Variants in SPATA7 observed in about 807,000 individuals in gnomAD.
SPATA7 encodes the protein spermatogenesis-associated protein 7.
In SPATA7, 43 loss-of-function variants were observed where a neutral mutation model predicts 51.8. The ratio of observed to expected loss-of-function variants is 0.83; its 90% CI spans 0.65 to 1.07. SPATA7 has a LOEUF of 1.07. Among genes scored for constraint, SPATA7 ranks in the 50% least tolerant of loss-of-function variants. SPATA7 has a pLI of 0.00. For missense variants in SPATA7, 683 were observed against 701.3 expected, an observed-to-expected ratio of 0.97 and a Z score of 0.30; for synonymous variants, 230 against 252.8, an observed-to-expected ratio of 0.91 and a Z score of 0.86.
downstream of SPATA7, among the ~76,000 whole-genome samples, chr14:88,440,925 C>T (rs2077173956): frequency 6.6e-6 from 1 of 152,084 alleles, no homozygotes; most frequent in Non-Finnish European, 1.5e-5. Context: ...GTGCACCCAG[C>T]ACCTAAGCAG....
intron 4 of SPATA7, chr14:88,415,844 G>A (rs2076460456): frequency 1.3e-5 from 2 of 152,182 alleles, no homozygotes; most frequent in Admixed American, 6.5e-5. Context: ...GTAACCCCTA[G>A]TGTTGGAGTT....
intron 4 of SPATA7, chr14:88,468,890 G>C: frequency 6.2e-7 from 1 of 1,613,686 alleles, no homozygotes; most frequent in South Asian, 1.1e-5. Context: ...CACCCAAAAA[G>C]GCCAGGTGAT....
chr14:88,455,764 A>G (rs979253430), downstream of SPATA7, among the ~76,000 whole-genome samples: 2 of 152,106 alleles, frequency 1.3e-5, no homozygotes, highest in South Asian at 2.1e-4. Flanking sequence ...TTTAGGGTAC[A>G]TGTGCACAAT....
Position 88,385,745 on chromosome 14 carries a change from GGGGCTGGGCCC to G in SPATA7, c.-71_-61del. 3 of 1,461,934 alleles carry G rather than the reference GGGGCTGGGCCC, an allele frequency of 2.1e-6. No individual in the cohort carries two copies. Among genetic ancestry groups the G allele is most frequent in the Admixed American group, 3.8e-5 (2 of 52,640 alleles). The allele number at this position is 1,461,934 out of a possible 1,614,324, so 90.6% of individuals were successfully genotyped here. On this transcript the variant is annotated 5_prime_UTR_variant, in exon 1 of 12. Transcript: ENST00000393545. ...TCCTCTTTTCCAGTCCTCCACTGCC[GGGGCTGGGCCC>G]GGCCGCGGGAAGGACCGAAGGGGAT...
intron 5 of SPATA7, among the ~76,000 whole-genome samples, chr14:88,421,402 G>A (rs948211867): frequency 6.6e-6 from 1 of 152,130 alleles, no homozygotes; most frequent in African/African-American, 2.4e-5. Flanking sequence ...CTGGGCAAAA[G>A]CCAGATTGAC....
intron 5 of SPATA7, among the ~76,000 whole-genome samples, chr14:88,424,020 A>G (rs2076721515): frequency 6.6e-6 from 1 of 152,248 alleles, no homozygotes; most frequent in Non-Finnish European, 1.5e-5. Flanking sequence ...ATTACTTTAC[A>G]TAAATCTTGA....
At chr14:88,411,196 C>T (rs2076332484) in intron 4 of SPATA7, among the ~76,000 whole-genome samples, 1 of 152,154 alleles carries the variant, frequency 6.6e-6, no homozygotes, top group Non-Finnish European at 1.5e-5. Context: ...CTACTCAAGC[C>T]TCAATAAGGT....
intron 4 of SPATA7, among the ~76,000 whole-genome samples, chr14:88,405,035 G>A (rs2076167567): frequency 6.6e-6 from 1 of 152,212 alleles, no homozygotes; most frequent in South Asian, 2.1e-4. Flanking sequence ...CCTTGGAGGA[G>A]AAGCCCTTGC....
At chr14:88,427,907 T>C in intron 7 of SPATA7, 1 of 484,088 alleles carries the variant, frequency 2.1e-6, no homozygotes, top group Non-Finnish European at 3.8e-6. Flanking sequence ...ATCTGGGAAG[T>C]CATTTGTTAC....
chr14:88,470,043 A>T, exon 5 of SPATA7: 1 of 1,612,940 alleles, frequency 6.2e-7, no homozygotes, highest in South Asian at 1.1e-5. Flanking sequence ...GATTCCACTG[A>T]CAGAGACCTG....
At chr14:88,456,129 T>C (rs2077282938), downstream of SPATA7, among the ~76,000 whole-genome samples, 1 of 152,228 alleles carries the variant, frequency 6.6e-6, no homozygotes, top group African/African-American at 2.4e-5. Flanking sequence ...CTATCATTGA[T>C]GGACATTTGG....
At chr14:88,430,804 T>G (rs1169141280) in intron 8 of SPATA7, among the ~76,000 whole-genome samples, 2 of 152,160 alleles carry the variant, frequency 1.3e-5, no homozygotes, top group African/African-American at 4.8e-5. Context: ...ACAGCCCACA[T>G]GCCTGACTGG....
At chr14:88,432,860 G>A (rs2076977511) in intron 9 of SPATA7, 2 of 319,894 alleles carry the variant, frequency 6.3e-6, no homozygotes, top group Non-Finnish European at 5.7e-6. Context: ...CTTTCTTTTT[G>A]TGTTGTTTAA....
intron 4 of SPATA7, among the ~76,000 whole-genome samples, chr14:88,404,756 A>G (rs1461121418): frequency 2.6e-5 from 4 of 152,154 alleles, no homozygotes; most frequent in African/African-American, 9.7e-5. Flanking sequence ...TAAAATGGTC[A>G]TTTAATTTAT....
At chr14:88,394,446 A>C (rs1417792305) in intron 3 of SPATA7, among the ~76,000 whole-genome samples, 4 of 152,134 alleles carry the variant, frequency 2.6e-5, no homozygotes, top group Non-Finnish European at 5.9e-5. Context: ...AGTTATCTTA[A>C]TGATCTTGAG....
rs1345468430 is a variant in SPATA7, at chr14:88,433,138, A to G, written c.1086A>G (p.Glu362=). The change falls in exon 10 of 12, where the codon GAA becomes GAG. Residue 362 remains glutamate (E), a synonymous_variant. Coordinates refer to ENST00000393545, the MANE Select transcript of SPATA7 (RefSeq NM_018418.5). ...PPSTRKIYSD[E]EELLYLSFIE... ...ATATATTGCCTTCCTTTTACAGTGA[A>G]GAAGAACTGTTGTATCTGAGTTTCA... 1.2e-6 allele frequency: 2 copies of G among 1,611,058 alleles called. No individual in the cohort carries two copies. The highest frequency in any genetic ancestry group is 4.5e-5 in the East Asian group (2 of 44,664).
chr14:88,423,674 TTTTTTTTTTTTTTTTTTTTTTTTTTG>T lies in SPATA7; in HGVS notation c.373-2557_373-2532del, dbSNP rs1566776726. Among the ~76,000 whole-genome samples the T allele has an allele frequency of 4.7e-3, 270 of 57,318 alleles. 114 individuals carry two copies. Among genetic ancestry groups the T allele is most frequent in the South Asian group, 7.9e-3 (16 of 2,020 alleles). The allele number at this position is 57,318 out of a possible 152,430, so 37.6% of individuals were successfully genotyped here. A position where few individuals can be genotyped will look rare whatever the true frequency, so the allele number is the denominator to read the frequency against. On this transcript the variant is annotated intron_variant, in intron 5 of 11. Transcript: ENST00000393545. ...ACAGATGTTAGATTTTAAAATAATT[TTTTTTTTTTTTTTTTTTTTTTTTTTG>T]AGACGGAGTCTCGCTCTGTCGCCCA...
intron 4 of SPATA7, chr14:88,410,634 C>A (rs1188742811): frequency 6.6e-6 from 1 of 152,538 alleles, no homozygotes; most frequent in East Asian, 1.9e-4. Flanking sequence ...TGTTAGTTTT[C>A]CTTCTAACAG....
At chr14:88,435,654 T>G (rs1046572734) in intron 10 of SPATA7, among the ~76,000 whole-genome samples, 1 of 152,136 alleles carries the variant, frequency 6.6e-6, no homozygotes, top group African/African-American at 2.4e-5. Flanking sequence ...GATTTTTAGA[T>G]CCCACAAATA....
Sources: allele counts gnomAD v4.1 joint callset (sites outside exome capture counted in the v4.1 genomes callset), GRCh38; gene constraint gnomAD v4.1.1; transcripts MANE v1.5; gene names NCBI Gene and HGNC (gene_info 2026-07-23, HGNC 2026-07-21).